The following ANKRD11 variants were observed in gnomAD, a reference collection of about 807,000 sequenced individuals.
ANKRD11 encodes ankyrin repeat domain-containing protein 11.
A neutral mutation model predicts 195.7 loss-of-function variants in ANKRD11; 17 were observed. The observed-to-expected ratio is 0.09, with a 90% CI of 0.06 to 0.13. The LOEUF is 0.13. Among genes scored for constraint, ANKRD11 ranks in the 10% least tolerant of loss-of-function variants. ANKRD11 has a pLI of 1.00. For synonymous variants in ANKRD11, 1,953 were observed against 1,528.1 expected (o/e 1.28, Z -6.49); for missense variants, 3,735 against 3,566.1 (o/e 1.05, Z -1.21).
chr16:89,397,432 G>A (rs879806105), intron 2 of ANKRD11, among the ~76,000 whole-genome samples: 7 of 152,226 alleles, frequency 4.6e-5, no homozygotes, highest in Admixed American at 1.3e-4. Flanking sequence ...TCCCAGCGCC[G>A]TACCACTCCC....
intron 2 of ANKRD11, among the ~76,000 whole-genome samples, chr16:89,387,635 T>C (rs1380825237): frequency 3.8e-5 from 5 of 133,078 alleles, no homozygotes; most frequent in East Asian, 2.3e-4. Flanking sequence ...ACTGCACCAC[T>C]GCACTCTAGC....
At chr16:89,337,909 G>C (rs2038455778) in intron 2 of ANKRD11, among the ~76,000 whole-genome samples, 1 of 152,088 alleles carries the variant, frequency 6.6e-6, no homozygotes, top group Non-Finnish European at 1.5e-5. Flanking sequence ...CCCTCTATTG[G>C]GACCACAGCT....
chr16:89,276,486 G>C (rs1000438076), intron 9 of ANKRD11, among the ~76,000 whole-genome samples: 7 of 152,178 alleles, frequency 4.6e-5, no homozygotes, highest in Non-Finnish European at 7.3e-5. Flanking sequence ...ATGACACCAG[G>C]AGCAGAAGGC....
rs2034108547 is a variant in ANKRD11, at chr16:89,280,451, C to T, written c.6091G>A (p.Glu2031Lys). 6.3e-7 allele frequency: 1 copy of T among 1,587,310 alleles called. No individual in the cohort carries two copies. Among genetic ancestry groups the T allele is most frequent in the African/African-American group, 1.4e-5 (1 of 74,058 alleles). ...SPAPYALPVAEPGLEDVKDGV... is the reference protein window; with the variant it reads ...SPAPYALPVAKPGLEDVKDGV... ...TCCTTGACGTCCTCCAGCCCCGGCT[C>T]AGCGACGGGCAGAGCGTACGGGGCA... is the stretch of plus-strand genomic sequence containing the variant. The change falls in exon 9 of 13, where the codon GAG becomes AAG. Residue 2031 changes from glutamate to lysine, a missense_variant. Physicochemically the swap from Glu to Lys is moderately conservative, Grantham distance 56 (BLOSUM62 1). Coordinates refer to ENST00000301030, the MANE Select transcript of ANKRD11 (RefSeq NM_013275.6).
chr16:89,305,662 CGCT>C (rs2036152556), intron 3 of ANKRD11, among the ~76,000 whole-genome samples: 1 of 147,698 alleles, frequency 6.8e-6, no homozygotes, highest in Admixed American at 6.8e-5. Context: ...CGCAGACACG[CGCT>C]ACCTCCCACT....
At chr16:89,453,829 T>G (rs1436678014) in intron 1 of ANKRD11, among the ~76,000 whole-genome samples, 1 of 152,108 alleles carries the variant, frequency 6.6e-6, no homozygotes, top group Non-Finnish European at 1.5e-5. Flanking sequence ...AACTTGTGAA[T>G]TCGAGGCAGG....
chr16:89,453,147 T>TAAA (rs2056270762), intron 1 of ANKRD11, among the ~76,000 whole-genome samples: 1 of 152,200 alleles, frequency 6.6e-6, no homozygotes, highest in Non-Finnish European at 1.5e-5. Flanking sequence ...CATAATAGTA[T>TAAA]TTAACAAGAT....
Position 89,279,742 on chromosome 16 carries a change from G to A in ANKRD11, c.6800C>T (p.Ser2267Phe), listed in dbSNP as rs941977575. The change falls in exon 9 of 13, where the codon TCC becomes TTC. Residue 2267 changes from serine (S) to phenylalanine (F), a missense_variant. Transcript: ENST00000301030. The surrounding 1 kb of genome is among the most constrained non-coding windows in gnomAD (Gnocchi z 5.6). The part of the protein sequence containing the change: ...GAEAEGPPAA[S>F]LCAPDGPAPN... ...GGCGGGGCCGTCAGGGGCACAGAGG[G>A]ACGCGGCGGGGGGGCCTTCAGCCTC... The A allele has an allele frequency of 3.9e-6, 6 of 1,528,166 alleles. No homozygotes were observed. The highest frequency in any genetic ancestry group is 2.4e-5 in the South Asian group (2 of 83,842). 94.7% of individuals were successfully genotyped at this position (1,528,166 alleles called of 1,614,324 possible).
chr16:89,307,851 T>A (rs998961564), intron 3 of ANKRD11, among the ~76,000 whole-genome samples: 3 of 152,248 alleles, frequency 2.0e-5, no homozygotes, highest in African/African-American at 7.2e-5. Context: ...AGGGGGTGGG[T>A]TCCACCAGAC....
At chr16:89,461,798 C>T (rs956680125) in intron 1 of ANKRD11, among the ~76,000 whole-genome samples, 10 of 152,148 alleles carry the variant, frequency 6.6e-5, no homozygotes, top group African/African-American at 2.4e-4. Context: ...TGGTCATTCC[C>T]ATTAAAACAT....
intron 2 of ANKRD11, chr16:89,320,281 G>C (rs369188320): frequency 6.6e-6 from 1 of 152,256 alleles, no homozygotes; most frequent in Non-Finnish European, 1.5e-5. Context: ...ACTCCCGGGG[G>C]AGACTCTTCC....
rs2036104425 is a variant in ANKRD11, at chr16:89,305,126, C to CG, written c.226+79dup. ...GCGTCCCAGTGCAAAGCCGGAGGTG[C>CG]GGGGGCCAGGGACGCCCTGCCTGGG... On this transcript the variant is annotated intron_variant, in intron 4 of 12. Transcript: ENST00000301030. 5.1e-5 allele frequency: 80 copies of CG among 1,566,610 alleles called. 2 individuals are homozygous for CG. The South Asian group carries it at 9.2e-4, about 18-fold the overall frequency.
Position 89,291,205 on chromosome 16 carries a change from G to T in ANKRD11, c.227-22C>A. 6.2e-7 allele frequency: 1 copy of T among 1,611,590 alleles called. No homozygotes were observed. The highest frequency in any genetic ancestry group is 8.5e-7 in the Non-Finnish European group (1 of 1,179,878). ...TTCTCTGTGAGGCGGGCGAGGGAGAGAGGGAGGAGAGATTTCATGCCATGG... is the reference window on the plus strand; with the variant it reads ...TTCTCTGTGAGGCGGGCGAGGGAGATAGGGAGGAGAGATTTCATGCCATGG... On this transcript the variant is annotated intron_variant, in intron 4 of 12. Coordinates refer to ENST00000301030, the MANE Select transcript of ANKRD11 (RefSeq NM_013275.6). This position sits in a 1 kb window ranked among gnomAD's most constrained non-coding sequence, Gnocchi z 5.3.
At chr16:89,345,587 G>A (rs2038902557) in intron 2 of ANKRD11, among the ~76,000 whole-genome samples, 1 of 152,204 alleles carries the variant, frequency 6.6e-6, no homozygotes, top group South Asian at 2.1e-4. Context: ...CCAGTCTCAG[G>A]CATTTTGTTA....
Position 89,284,323 on chromosome 16 carries a change from T to C in ANKRD11, c.2219A>G (p.Asn740Ser). The C allele has an allele frequency of 6.2e-7, 1 of 1,613,986 alleles. No individual in the cohort carries two copies. Among genetic ancestry groups the C allele is most frequent in the East Asian group, 2.2e-5 (1 of 44,878 alleles). The change falls in exon 9 of 13, where the codon AAT (asparagine) becomes AGT (serine). Residue 740 changes from asparagine to serine, a missense_variant. Coordinates refer to ENST00000301030, the MANE Select transcript of ANKRD11 (RefSeq NM_013275.6). ...RSFREEKDRSNKAEKERSLKE... is the reference protein window; with the variant it reads ...RSFREEKDRSSKAEKERSLKE... ...CAGCGATCTCTCCTTTTCTGCTTTATTCGAACGGTCTTTCTCTTCTCGGAA... is the reference window on the plus strand; with the variant it reads ...CAGCGATCTCTCCTTTTCTGCTTTACTCGAACGGTCTTTCTCTTCTCGGAA...
intron 9 of ANKRD11, chr16:89,277,631 T>C (rs1597422578): frequency 6.6e-6 from 1 of 152,268 alleles, no homozygotes; most frequent in East Asian, 1.9e-4. Flanking sequence ...CTGTCTTCTG[T>C]GGATGAGCCT....
At chr16:89,381,631 C>T (rs1180142344) in intron 2 of ANKRD11, among the ~76,000 whole-genome samples, 1 of 152,122 alleles carries the variant, frequency 6.6e-6, no homozygotes. Context: ...TGTCAACATC[C>T]CCCAACATGC....
rs1296959147 is a variant in ANKRD11, at chr16:89,449,392, G to C, written c.-144-31024C>G. On this transcript the variant is annotated intron_variant, in intron 1 of 12. Coordinates refer to ENST00000301030, the MANE Select transcript of ANKRD11 (RefSeq NM_013275.6). ...AAAAAAAGAAACACAGACATGGAGA[G>C]AGAAGGCAGCTATCATGGGGCAAAT... 2.6e-5 allele frequency among the ~76,000 whole-genome samples: 4 copies of C among 152,026 alleles called. No individual in the cohort carries two copies. In the South Asian group the frequency reaches 6.2e-4, roughly 24 times the overall value.
At chr16:89,325,894 G>A (rs555149303) in intron 2 of ANKRD11, among the ~76,000 whole-genome samples, 1 of 152,242 alleles carries the variant, frequency 6.6e-6, no homozygotes, top group Admixed American at 6.5e-5. Context: ...GGCCCTACTG[G>A]GACCCTCAAG....
Sources: gnomAD v4.1 joint callset for allele counts (sites outside exome capture counted in the v4.1 genomes callset) on GRCh38, gnomAD v4.1.1 for gene constraint, Gnocchi (gnomAD v3.1) non-coding constraint, MANE v1.5 for transcripts, NCBI Gene and HGNC (gene_info 2026-07-23, HGNC 2026-07-21) for gene names.